Variants in CELF2 observed in about 807,000 individuals in gnomAD.
The protein encoded by CELF2 is CUGBP Elav-like family member 2, also known as CUG triplet repeat RNA-binding protein 2.
Under a neutral mutation model 62.6 loss-of-function variants are expected in CELF2, and 8 were observed. The ratio of observed to expected loss-of-function variants is 0.13; its 90% CI spans 0.07 to 0.23. The LOEUF (loss-of-function observed/expected upper bound fraction) is 0.23. Among genes scored for constraint, CELF2 ranks in the 10% least tolerant of loss-of-function variants. The pLI is 1.00. For missense variants in CELF2, 333 were observed against 671.0 expected (o/e 0.50, Z 5.56); for synonymous variants, 258 against 250.0 (o/e 1.03, Z -0.30).
Position 10,928,616 on chromosome 10 carries a change from T to G in CELF2, c.89+8617T>G, listed in dbSNP as rs953124255. The stretch of plus-strand genomic sequence containing the variant: ...GGTATAGCCCCCAAACTGAAAATAT[T>G]TACTGTTTACTTTTATAGAAAGGTT... On this transcript the variant is annotated intron_variant, in intron 2 of 13. Coordinates refer to the CELF2 transcript ENST00000636488. The surrounding 1 kb of genome is among the most constrained non-coding windows in gnomAD (Gnocchi z 4.8). 2.6e-5 allele frequency among the ~76,000 whole-genome samples: 4 copies of G among 152,150 alleles called. No homozygotes were observed. The highest frequency in any genetic ancestry group is 4.4e-5 in the Non-Finnish European group (3 of 68,038).
At chr10:10,692,362 A>T in the CELF2 span, among the ~76,000 whole-genome samples, 1 of 151,122 alleles carries the variant, frequency 6.6e-6, no homozygotes, top group Non-Finnish European at 1.5e-5. Context: ...TGTTCCATTG[A>T]TCTATATCTC....
chr10:10,730,361 C>T, the CELF2 span, among the ~76,000 whole-genome samples: 1 of 152,286 alleles, frequency 6.6e-6, no homozygotes, highest in Admixed American at 6.5e-5. Flanking sequence ...CCTGTAATCC[C>T]AGCTACTTGG....
At chr10:10,866,593 A>C (rs1173562099) in intron 1 of CELF2, among the ~76,000 whole-genome samples, 1 of 137,388 alleles carries the variant, frequency 7.3e-6, no homozygotes, top group Admixed American at 7.3e-5. Context: ...TGACAGAGCA[A>C]GACTCCATCC....
chr10:10,741,876 C>T, the CELF2 span, among the ~76,000 whole-genome samples: 2 of 152,144 alleles, frequency 1.3e-5, no homozygotes, highest in Non-Finnish European at 2.9e-5. Flanking sequence ...TTTGGTGGTT[C>T]TTGTCTACAA....
At chr10:11,190,722 A>G (rs1447413664) in intron 2 of CELF2, among the ~76,000 whole-genome samples, 1 of 151,336 alleles carries the variant, frequency 6.6e-6, no homozygotes, top group Non-Finnish European at 1.5e-5. Context: ...AAAAGGAGAA[A>G]GCTCAAAACT....
Position 11,104,957 on chromosome 10 carries a change from T to C in CELF2, c.75-60529T>C, listed in dbSNP as rs557489612. ...CAGGGGCAGCTGCCAATTACAGTTG[T>C]GTAATCACCTTCTCTGAAGCTGGTC... On this transcript the variant is annotated intron_variant, in intron 1 of 12. Coordinates refer to ENST00000633077, the MANE Select transcript of CELF2 (RefSeq NM_001326342.2). 2.9e-4 allele frequency among the ~76,000 whole-genome samples: 44 copies of C among 152,308 alleles called. No individual in the cohort carries two copies. The South Asian group carries it at 9.1e-3, about 32-fold the overall frequency.
At chr10:10,916,749 A>T (rs2064367465) in intron 1 of CELF2, among the ~76,000 whole-genome samples, 1 of 152,032 alleles carries the variant, frequency 6.6e-6, no homozygotes, top group South Asian at 2.1e-4. Context: ...AGTAGCTGGG[A>T]TTACAGGCGC....
the CELF2 span, among the ~76,000 whole-genome samples, chr10:10,660,277 G>A: frequency 6.6e-6 from 1 of 152,200 alleles, no homozygotes; most frequent in Non-Finnish European, 1.5e-5. Context: ...AACATTGCAA[G>A]GTAAGTTTTA....
chr10:10,828,170 G>A (rs771876153), intron 1 of CELF2, among the ~76,000 whole-genome samples: 2 of 152,088 alleles, frequency 1.3e-5, no homozygotes, highest in Non-Finnish European at 2.9e-5. Context: ...TGTACCCAAA[G>A]GAATTAAAAG....
At chr10:10,553,974 C>A in the CELF2 span, among the ~76,000 whole-genome samples, 1 of 152,054 alleles carries the variant, frequency 6.6e-6, no homozygotes, top group Non-Finnish European at 1.5e-5. Flanking sequence ...ATCATAGTGA[C>A]AATTTGAGAA....
intron 2 of CELF2, among the ~76,000 whole-genome samples, chr10:10,963,838 G>A (rs2049824163): frequency 6.6e-6 from 1 of 152,126 alleles, no homozygotes. Context: ...TCTAGATGCA[G>A]CAATGGATTC....
chr10:10,715,280 A>G, the CELF2 span, among the ~76,000 whole-genome samples: 2 of 152,194 alleles, frequency 1.3e-5, no homozygotes, highest in Non-Finnish European at 2.9e-5. Flanking sequence ...TAACTGGGGA[A>G]AAAATTTGTG....
At chr10:10,989,161 A>T (rs933776467) in intron 2 of CELF2, among the ~76,000 whole-genome samples, 2 of 152,206 alleles carry the variant, frequency 1.3e-5, no homozygotes, top group Admixed American at 6.5e-5. Context: ...CAGAGCTAGT[A>T]TTCTAAATAC....
Position 10,931,523 on chromosome 10 carries a change from G to T in CELF2, c.89+11524G>T, listed in dbSNP as rs2066057978. Among the ~76,000 whole-genome samples, 1 of 152,142 alleles carries T rather than the reference G, an allele frequency of 6.6e-6. No homozygotes were observed. Among genetic ancestry groups the T allele is most frequent in the Non-Finnish European group, 1.5e-5 (1 of 68,024 alleles). On this transcript the variant is annotated intron_variant, in intron 2 of 13. Coordinates refer to the CELF2 transcript ENST00000636488. The surrounding 1 kb of genome is among the most constrained non-coding windows in gnomAD (Gnocchi z 6.1). ...CCCTCCCTCACCCAGATCCCAACCT[G>T]TGGAACTCAGGCTAGCATCGACATA...
intron 2 of CELF2, among the ~76,000 whole-genome samples, chr10:10,939,023 C>T (rs141478840): frequency 1.2e-3 from 180 of 152,296 alleles, no homozygotes; most frequent in African/African-American, 4.0e-3. Flanking sequence ...GATCTGCAGA[C>T]GACCTTCAGG....
the CELF2 span, among the ~76,000 whole-genome samples, chr10:10,712,243 A>G: frequency 6.6e-6 from 1 of 151,716 alleles, no homozygotes; most frequent in Admixed American, 6.6e-5. Flanking sequence ...TACATGATAG[A>G]TCACACCCAC....
At chr10:10,719,080 G>C in the CELF2 span, among the ~76,000 whole-genome samples, 1 of 148,398 alleles carries the variant, frequency 6.7e-6, no homozygotes, top group African/African-American at 2.5e-5. Context: ...TTCTGCCTCA[G>C]CTTCCTCAGT....
the CELF2 span, among the ~76,000 whole-genome samples, chr10:10,478,493 T>C: frequency 6.1e-5 from 6 of 97,720 alleles, no homozygotes; most frequent in African/African-American, 2.4e-4. Context: ...TAATTTTGTT[T>C]TGGAGAAAAA....
chr10:11,119,151 C>T (rs1456795117), intron 1 of CELF2, among the ~76,000 whole-genome samples: 8 of 152,228 alleles, frequency 5.3e-5, no homozygotes. Context: ...CCTTCTGTGT[C>T]CCTGTAGTAA....
Sources: gnomAD v4.1 joint callset for allele counts (sites outside exome capture counted in the v4.1 genomes callset) on GRCh38, gnomAD v4.1.1 for gene constraint, Gnocchi (gnomAD v3.1) non-coding constraint, MANE v1.5 for transcripts, NCBI Gene and HGNC (gene_info 2026-07-23, HGNC 2026-07-21) for gene names.